The following SNRNP200 variants were observed in gnomAD, a reference collection of about 807,000 sequenced individuals.
The protein encoded by SNRNP200 is U5 small nuclear ribonucleoprotein 200 kDa helicase.
SNRNP200 carries 66 observed loss-of-function variants against 255.2 expected under a neutral mutation model. The observed-to-expected ratio is 0.26, with a 90% confidence interval of 0.21 to 0.32. The LOEUF is 0.32. SNRNP200 is among the 10% of genes least tolerant of loss of function. SNRNP200 has a pLI of 1.00. For missense variants in SNRNP200, 1,585 were observed against 2,749.8 expected (o/e 0.58, Z 9.47); for synonymous variants, 939 against 1,027.8 (o/e 0.91, Z 1.65).
In SNRNP200 at chr2:96,277,505, C is replaced by T. The variant is rs891476520; in HGVS notation, c.5931+34G>A. 6.2e-7 allele frequency: 1 copy of T among 1,611,296 alleles called. No homozygotes were observed. Among genetic ancestry groups the T allele is most frequent in the Non-Finnish European group, 8.5e-7 (1 of 1,179,246 alleles). Reference sequence around the variant, plus strand: ...GTCCACAACACTGGGCTCTCAGGCTCACCCACCTGACCCTCTAGGCTGACC... The same window carrying T: ...GTCCACAACACTGGGCTCTCAGGCTTACCCACCTGACCCTCTAGGCTGACC... On this transcript the variant is annotated intron_variant, in intron 41 of 44. Transcript: ENST00000323853. The surrounding 1 kb of genome is among the most constrained non-coding windows in gnomAD (Gnocchi z 4.4).
chr2:96,275,453 T>G (rs1684639462), intron 43 of SNRNP200, 104 bp from the exon 44 acceptor site: 1 of 931,024 alleles, frequency 1.1e-6, no homozygotes, highest in African/African-American at 1.6e-5. Flanking sequence ...ATCAGATAGC[T>G]TTCCAAAGTT....
intron 43 of SNRNP200, among the ~76,000 whole-genome samples, chr2:96,275,730 C>T (rs908939082): frequency 3.3e-5 from 5 of 152,198 alleles, no homozygotes; most frequent in Non-Finnish European, 7.3e-5. Flanking sequence ...AGGCTGGGCG[C>T]GGTGGCTCAC....
chr2:96,297,386 G>A lies in SNRNP200; in HGVS notation c.1354C>T (p.Pro452Ser), dbSNP rs951648580. 1 of 1,613,934 alleles carries A rather than the reference G, an allele frequency of 6.2e-7. No homozygotes were observed. Among genetic ancestry groups the A allele is most frequent in the Non-Finnish European group, 8.5e-7 (1 of 1,180,034 alleles). Reference sequence around the variant, plus strand: ...ACTTCTTCTGAGCCAAAGGGCTTGGGCTTCAGAGCAGGCACATGCACCTCT... The same window carrying A: ...ACTTCTTCTGAGCCAAAGGGCTTGGACTTCAGAGCAGGCACATGCACCTCT... ...YEEVHVPALKPKPFGSEEQLL... is the reference protein window; with the variant it reads ...YEEVHVPALKSKPFGSEEQLL... Residue 452 changes from proline to serine, a missense_variant, in exon 11 of 45, where the codon CCC becomes TCC. Coordinates refer to ENST00000323853, the MANE Select transcript of SNRNP200 (RefSeq NM_014014.5).
intron 35 of SNRNP200, among the ~76,000 whole-genome samples, chr2:96,280,248 G>A (rs537104285): frequency 2.6e-5 from 4 of 152,322 alleles, no homozygotes; most frequent in African/African-American, 9.6e-5. Context: ...TGTAATCCCA[G>A]CACTTTGGGA....
Position 96,287,413 on chromosome 2 carries a change from G to T in SNRNP200, c.3484+26C>A. On this transcript the variant is annotated intron_variant, in intron 26 of 44. Transcript: ENST00000323853. This position sits in a 1 kb window ranked among gnomAD's most constrained non-coding sequence, Gnocchi z 5.7. ...CTGGGAGAGACACCCAGGCAGTGAG[G>T]ACAAGGGCGAGAGCATCCCACACAC... 1 of 1,523,948 alleles carries T rather than the reference G, an allele frequency of 6.6e-7. No individual in the cohort carries two copies. Among genetic ancestry groups the T allele is most frequent in the Non-Finnish European group, 9.1e-7 (1 of 1,097,862 alleles). The allele number at this position is 1,523,948 out of a possible 1,614,324, so 94.4% of individuals were successfully genotyped here.
intron 14 of SNRNP200, 85 bp downstream of exon 14, chr2:96,295,403 C>T: frequency 1.3e-6 from 2 of 1,550,700 alleles, no homozygotes; most frequent in Non-Finnish European, 8.9e-7. Context: ...ACAGAAAAGG[C>T]AGCAAAGAAA....
In SNRNP200 at chr2:96,285,167, C is replaced by T. The variant is rs373668832; in HGVS notation, c.4164+13G>A. 18 of 1,613,630 alleles carry T rather than the reference C, an allele frequency of 1.1e-5. No homozygotes were observed. The highest frequency in any genetic ancestry group is 2.7e-5 in the African/African-American group (2 of 74,924). On this transcript the variant is annotated intron_variant, in intron 30 of 44. Transcript: ENST00000323853. ...TTCTTGGGAAATTCACATGACACAGCGCCACGTCATACCTGCTCTGCCAGG... is the reference window on the plus strand; with the variant it reads ...TTCTTGGGAAATTCACATGACACAGTGCCACGTCATACCTGCTCTGCCAGG...
At chr2:96,285,366 G>GT (rs753371545) in intron 29 of SNRNP200, 26 bp from the exon 30 acceptor site, 4 of 1,612,836 alleles carry the variant, frequency 2.5e-6, no homozygotes, top group African/African-American at 1.3e-5. Context: ...AAGAAGCAGT[G>GT]TAAGTATCAA....
At chr2:96,281,528 C>G (rs1684760598) in intron 35 of SNRNP200, 1 of 404,408 alleles carries the variant, frequency 2.5e-6, no homozygotes, top group Non-Finnish European at 4.7e-6. Flanking sequence ...GTCACTTTTC[C>G]TAATCTACAA....
At chr2:96,298,486 G>T in intron 8 of SNRNP200, 66 bp from the exon 9 acceptor site, 1 of 1,610,846 alleles carries the variant, frequency 6.2e-7, no homozygotes, top group Non-Finnish European at 8.5e-7. Context: ...CATCCTCAGG[G>T]TAGAAAGAAG....
At chr2:96,288,883 A>C (rs2063866653) in intron 23 of SNRNP200, 137 bp from the exon 24 acceptor site, 1 of 1,027,000 alleles carries the variant, frequency 9.7e-7, no homozygotes, top group Admixed American at 2.0e-5. Flanking sequence ...AATAATTGTT[A>C]TTTCATATAA....
rs2063830404 is a variant in SNRNP200 at position 96,284,554 on chromosome 2, T to C, written c.4196A>G (p.Asp1399Gly). ...GAGTACCACCTTCTTGTTGAGCCTG[T>C]CCTGGAACTTCTCGTACCAGTCCAT... ...VYMDWYEKFQ[D>G]RLNKKVVLLT... The change falls in exon 31 of 45, where the codon GAC becomes GGC. Residue 1399 changes from aspartate to glycine, a missense_variant. This residue lies in a region of SNRNP200 where 719 missense variants were observed against 1,091.1 expected (regional missense o/e 0.66). Transcript: ENST00000323853. The C allele has an allele frequency of 6.2e-7, 1 of 1,614,082 alleles. No individual in the cohort carries two copies. Among genetic ancestry groups the C allele is most frequent in the Non-Finnish European group, 8.5e-7 (1 of 1,179,988 alleles).
intron 29 of SNRNP200, 128 bp from the exon 30 acceptor site, chr2:96,285,468 G>T: frequency 9.7e-7 from 1 of 1,026,390 alleles, no homozygotes; most frequent in Non-Finnish European, 1.5e-6. Context: ...AGTGCAGACA[G>T]AGGAGCTAAG....
rs923351054 is a variant in SNRNP200 at position 96,277,295 on chromosome 2, G to A, written c.5932-54C>T. The stretch of plus-strand genomic sequence containing the variant: ...GAGAGAACACGGGCCAACAGCAAAT[G>A]ACACAGGCAGCAAAGAGCTACTAAT... On this transcript the variant is annotated intron_variant, in intron 41 of 44. Transcript: ENST00000323853. The surrounding 1 kb of genome is among the most constrained non-coding windows in gnomAD (Gnocchi z 4.4). 3.8e-6 allele frequency: 6 copies of A among 1,586,038 alleles called. No homozygotes were observed. The highest frequency in any genetic ancestry group is 5.2e-6 in the Non-Finnish European group (6 of 1,154,920).
intron 14 of SNRNP200, 69 bp from the exon 15 acceptor site, chr2:96,293,578 C>A: frequency 6.8e-7 from 1 of 1,476,592 alleles, no homozygotes; most frequent in Non-Finnish European, 9.4e-7. Flanking sequence ...TGGAATTGTC[C>A]CATATTGTAG....
Position 96,287,435 on chromosome 2 carries a change from A to G in SNRNP200, c.3484+4T>C, listed in dbSNP as rs2063850781. The G allele has an allele frequency of 6.3e-7, 1 of 1,594,884 alleles. No individual in the cohort carries two copies. The highest frequency in any genetic ancestry group is 2.2e-5 in the East Asian group (1 of 44,784). On this transcript the variant is annotated splice_donor_region_variant and intron_variant, in intron 26 of 44. Coordinates refer to ENST00000323853, the MANE Select transcript of SNRNP200 (RefSeq NM_014014.5). This position sits in a 1 kb window ranked among gnomAD's most constrained non-coding sequence, Gnocchi z 5.7. ...GAGGACAAGGGCGAGAGCATCCCACACACCAATCTCATTATGATTCAGGTC... is the reference window on the plus strand; with the variant it reads ...GAGGACAAGGGCGAGAGCATCCCACGCACCAATCTCATTATGATTCAGGTC...
rs1257772225 is a variant in SNRNP200, at chr2:96,286,919, A to G, written c.3640-42T>C. 1 of 1,613,856 alleles carries G rather than the reference A, an allele frequency of 6.2e-7. No individual in the cohort carries two copies. The highest frequency in any genetic ancestry group is 8.5e-7 in the Non-Finnish European group (1 of 1,179,846). On this transcript the variant is annotated intron_variant, in intron 27 of 44. Coordinates refer to ENST00000323853, the MANE Select transcript of SNRNP200 (RefSeq NM_014014.5). The surrounding 1 kb of genome is among the most constrained non-coding windows in gnomAD (Gnocchi z 4.8). ...GGGTAAAAGGAATGTGAGTCAACGT[A>G]GACTGAGTGCCTCCAATCCATCTCC... is the stretch of plus-strand genomic sequence containing the variant.
rs898627841 is a variant in SNRNP200 at position 96,277,674 on chromosome 2, G to A, written c.5796C>T (p.Ser1932=). Residue 1932 remains serine, a synonymous_variant, in exon 41 of 45, where the codon AGC becomes AGT. Coordinates refer to ENST00000323853, the MANE Select transcript of SNRNP200 (RefSeq NM_014014.5). This position sits in a 1 kb window ranked among gnomAD's most constrained non-coding sequence, Gnocchi z 4.4. The stretch of plus-strand genomic sequence containing the variant: ...CCAGAGCAGGGCTGAGCCACCCATT[G>A]CTGGAAAGGACATCCACGCAGGCCT... ...LIQACVDVLS[S]NGWLSPALAA... The A allele has an allele frequency of 1.4e-5, 23 of 1,614,172 alleles. 1 individual carries two copies. In the Admixed American group the frequency reaches 3.3e-4, roughly 23 times the overall value.
chr2:96,277,951 C>T lies in SNRNP200; in HGVS notation c.5611-1G>A, dbSNP rs1473486980. On this transcript the variant is annotated splice_acceptor_variant, in intron 39 of 44. Transcript: ENST00000323853. LOFTEE classifies it high-confidence loss of function. The surrounding 1 kb of genome is among the most constrained non-coding windows in gnomAD (Gnocchi z 4.4). Reference sequence around the variant, plus strand: ...GCTTGTGGGGGACCTTCTGAGCCAACTACAAAGTGGAAGAAAAATAGCTGG... The same window carrying T: ...GCTTGTGGGGGACCTTCTGAGCCAATTACAAAGTGGAAGAAAAATAGCTGG... 6.2e-7 allele frequency: 1 copy of T among 1,614,104 alleles called. No homozygotes were observed. Among genetic ancestry groups the T allele is most frequent in the Non-Finnish European group, 8.5e-7 (1 of 1,180,046 alleles).
Sources: allele counts gnomAD v4.1 joint callset (sites outside exome capture counted in the v4.1 genomes callset), GRCh38; gene constraint gnomAD v4.1.1; regional missense constraint gnomAD v4.1.1; non-coding constraint Gnocchi (gnomAD v3.1); transcripts MANE v1.5; gene names NCBI Gene and HGNC (gene_info 2026-07-23, HGNC 2026-07-21).